The following EPHA7 variants were observed in gnomAD, a reference collection of about 807,000 sequenced individuals.
The protein encoded by EPHA7 is ephrin type-A receptor 7.
A neutral mutation model predicts 112.6 loss-of-function variants in EPHA7; 25 were observed. The ratio of observed to expected loss-of-function variants is 0.22; its 90% confidence interval spans 0.16 to 0.31. EPHA7 has a LOEUF of 0.31. Ranked by LOEUF, EPHA7 falls within the 10% of genes least tolerant of loss-of-function variation. The pLI, the probability that EPHA7 is intolerant of heterozygous loss-of-function variation, is 1.00. For missense variants in EPHA7, 962 were observed against 1,212.6 expected, an observed-to-expected ratio of 0.79 and a Z score of 3.07; for synonymous variants, 437 against 406.5, an observed-to-expected ratio of 1.07 and a Z score of -0.90.
intron 5 of EPHA7, among the ~76,000 whole-genome samples, chr6:93,323,399 T>C (rs543214678): frequency 2.0e-5 from 3 of 151,550 alleles, no homozygotes; most frequent in African/African-American, 7.2e-5. Flanking sequence ...TCGATTACCA[T>C]CCACCACTTC....
At position 93,246,840 on chromosome 6, in the gene EPHA7, A is replaced by C. The variant is rs757369957; in HGVS notation, c.2678T>G (p.Met893Arg). 16 of 1,613,050 alleles carry C rather than the reference A, an allele frequency of 9.9e-6. No individual in the cohort carries two copies. The East Asian group carries it at 3.6e-4, about 36-fold the overall frequency. Residue 893 changes from methionine (M) to arginine (R), a missense_variant, in exon 15 of 17, where the codon ATG (methionine) becomes AGG (arginine). Around this residue, in one of 3 missense-constraint regions of EPHA7, gnomAD observed 746 missense variants for 889.2 expected, o/e 0.84. Coordinates refer to ENST00000369303, the MANE Select transcript of EPHA7 (RefSeq NM_004440.4). ...TTTCAGACTATTTGGGTTTCGAATC[A>C]TTTTGTCTAGAATTCCAACTATCTG... ...FEQIVGILDK[M>R]IRNPNSLKTP...
At chr6:93,328,989 T>A (rs1350036511) in intron 5 of EPHA7, among the ~76,000 whole-genome samples, 1 of 151,456 alleles carries the variant, frequency 6.6e-6, no homozygotes, top group East Asian at 1.9e-4. Flanking sequence ...AACTGCATTA[T>A]AAAAATCCAT....
intron 5 of EPHA7, among the ~76,000 whole-genome samples, chr6:93,291,651 C>G (rs558418447): frequency 1.1e-3 from 164 of 146,924 alleles, no homozygotes; most frequent in African/African-American, 3.9e-3. Context: ...GCCTGTAGTC[C>G]CAGCTACTTG....
chr6:93,417,736 G>A (rs915348171), intron 1 of EPHA7, among the ~76,000 whole-genome samples: 7 of 152,192 alleles, frequency 4.6e-5, no homozygotes, highest in African/African-American at 1.7e-4. Flanking sequence ...TAGAAATGTG[G>A]TTTTGGAGGG....
At chr6:93,249,422 G>A (rs1030461109) in intron 14 of EPHA7, among the ~76,000 whole-genome samples, 1 of 151,976 alleles carries the variant, frequency 6.6e-6, no homozygotes, top group Non-Finnish European at 1.5e-5. Flanking sequence ...TAGAAAGTTG[G>A]GTTAAATGAT....
At chr6:93,301,998 T>A (rs147204764) in intron 5 of EPHA7, among the ~76,000 whole-genome samples, 9 of 152,258 alleles carry the variant, frequency 5.9e-5, no homozygotes, top group Non-Finnish European at 1.0e-4. Flanking sequence ...CTTGCTTACT[T>A]CTGAGAGCAC....
chr6:93,362,710 T>C (rs1322967904), intron 3 of EPHA7, among the ~76,000 whole-genome samples: 1 of 152,114 alleles, frequency 6.6e-6, no homozygotes, highest in Non-Finnish European at 1.5e-5. Context: ...GTATAACAAC[T>C]GTAAATGAAC....
intron 5 of EPHA7, among the ~76,000 whole-genome samples, chr6:93,307,724 C>A (rs568461649): frequency 6.6e-6 from 1 of 152,068 alleles, no homozygotes; most frequent in Non-Finnish European, 1.5e-5. Flanking sequence ...CATATTCATA[C>A]AGACCAATCA....
At chr6:93,355,878 C>T (rs746548575) in intron 5 of EPHA7, among the ~76,000 whole-genome samples, 13 of 151,914 alleles carry the variant, frequency 8.6e-5, no homozygotes, top group Admixed American at 2.6e-4. Flanking sequence ...GCCATTTATT[C>T]GAATATAAAA....
At chr6:93,373,485 C>A (rs1434452011) in intron 3 of EPHA7, among the ~76,000 whole-genome samples, 1 of 152,038 alleles carries the variant, frequency 6.6e-6, no homozygotes, top group African/African-American at 2.4e-5. Flanking sequence ...TTCTTATATT[C>A]AATATCATTT....
intron 5 of EPHA7, among the ~76,000 whole-genome samples, chr6:93,274,192 C>T (rs1447926244): frequency 6.6e-6 from 1 of 151,774 alleles, no homozygotes; most frequent in Non-Finnish European, 1.5e-5. Flanking sequence ...ACACCAATAG[C>T]CTACTGTGAT....
chr6:93,412,210 C>A (rs1386248400), intron 2 of EPHA7, among the ~76,000 whole-genome samples: 1 of 151,778 alleles, frequency 6.6e-6, no homozygotes, highest in Non-Finnish European at 1.5e-5. Flanking sequence ...ATTAATTTCC[C>A]CAATAAAAAA....
chr6:93,405,732 C>T (rs1411172868), intron 3 of EPHA7, among the ~76,000 whole-genome samples: 1 of 148,558 alleles, frequency 6.7e-6, no homozygotes, highest in Non-Finnish European at 1.5e-5. Context: ...GAAACTGTGA[C>T]TCCGGCATCT....
intron 3 of EPHA7, among the ~76,000 whole-genome samples, chr6:93,359,895 A>AGATG (rs1776171867): frequency 2.0e-5 from 3 of 151,704 alleles, no homozygotes; most frequent in African/African-American, 7.3e-5. Context: ...ATAGATAGAT[A>AGATG]GATAGATAGA....
At chr6:93,409,316 A>C (rs1220855637) in intron 3 of EPHA7, among the ~76,000 whole-genome samples, 1 of 152,062 alleles carries the variant, frequency 6.6e-6, no homozygotes, top group Non-Finnish European at 1.5e-5. Context: ...GAATATCTCA[A>C]GTTTGAATTT....
intron 3 of EPHA7, among the ~76,000 whole-genome samples, chr6:93,383,080 C>T (rs1363640507): frequency 2.6e-5 from 4 of 152,024 alleles, no homozygotes; most frequent in Admixed American, 6.6e-5. Flanking sequence ...TCTCCATTCC[C>T]CACTCCCTTA....
chr6:93,337,739 CT>C (rs1774944966), intron 5 of EPHA7, among the ~76,000 whole-genome samples: 1 of 152,066 alleles, frequency 6.6e-6, no homozygotes, highest in African/African-American at 2.4e-5. Context: ...TTAGATATAC[CT>C]CAGAAAGAGA....
At chr6:93,351,165 C>T (rs1019051281) in intron 5 of EPHA7, among the ~76,000 whole-genome samples, 11 of 152,028 alleles carry the variant, frequency 7.2e-5, no homozygotes, top group African/African-American at 2.4e-4. Flanking sequence ...ACCTTGCTCA[C>T]TCCTAGGAAA....
At chr6:93,345,585 A>T (rs916455705) in intron 5 of EPHA7, among the ~76,000 whole-genome samples, 2 of 151,616 alleles carry the variant, frequency 1.3e-5, no homozygotes, top group Admixed American at 6.6e-5. Flanking sequence ...AATTTGGGTA[A>T]TTTTTTCCCA....
Sources: allele counts gnomAD v4.1 joint callset (sites outside exome capture counted in the v4.1 genomes callset), GRCh38; gene constraint gnomAD v4.1.1; regional missense constraint gnomAD v4.1.1; transcripts MANE v1.5; gene names NCBI Gene and HGNC (gene_info 2026-07-23, HGNC 2026-07-21).